The following NCAM2 variants were observed in gnomAD, a reference collection of about 807,000 sequenced individuals.
NCAM2 encodes the protein N-CAM-2.
Under a neutral mutation model 98.1 loss-of-function variants are expected in NCAM2, and 30 were observed. That is an observed-to-expected ratio of 0.31 (90% CI 0.23 to 0.41). NCAM2 has a LOEUF of 0.41. Among genes scored for constraint, NCAM2 ranks in the 10% least tolerant of loss-of-function variants. The pLI, the probability that NCAM2 is intolerant of heterozygous loss-of-function variation, is 1.00. For missense variants in NCAM2, 867 were observed against 1,005.8 expected (o/e 0.86, Z 1.87); for synonymous variants, 368 against 342.4 (o/e 1.07, Z -0.83).
intron 12 of NCAM2, among the ~76,000 whole-genome samples, chr21:21,457,433 A>G (rs2146172856): frequency 6.6e-6 from 1 of 152,282 alleles, no homozygotes; most frequent in Non-Finnish European, 1.5e-5. Context: ...TGAGGTCCGG[A>G]GTTCGAGACC....
intron 1 of NCAM2, among the ~76,000 whole-genome samples, chr21:21,279,539 A>G (rs967009708): frequency 2.0e-5 from 3 of 151,646 alleles, no homozygotes; most frequent in African/African-American, 7.3e-5. Flanking sequence ...TTGCATTTTT[A>G]GTAGAGACGG....
intron 15 of NCAM2, among the ~76,000 whole-genome samples, chr21:21,479,582 T>TAAAAAAAAAAAAAAA (rs1985608682): frequency 5.6e-5 from 1 of 17,916 alleles, no homozygotes; most frequent in African/African-American, 2.3e-4. Flanking sequence ...AGACTGCGTC[T>TAAAAAAAAAAAAAAA]CAAAAAAAAA....
At position 21,014,000 on chromosome 21, in the gene NCAM2, C is replaced by G. The variant is rs930286516; in HGVS notation, c.55+15382C>G. On this transcript the variant is annotated intron_variant, in intron 1 of 17. Transcript: ENST00000400546. ...AACAGCCTTCTATTGTCAGATGATA[C>G]TATCTAGAAGTTTCTTAGCTAGAGA... Among the ~76,000 whole-genome samples, 8 of 152,250 alleles carry G rather than the reference C, an allele frequency of 5.3e-5. No homozygotes were observed. The East Asian group carries it at 1.5e-3, about 29-fold the overall frequency.
intron 16 of NCAM2, among the ~76,000 whole-genome samples, chr21:21,516,878 A>T (rs1988742409): frequency 6.6e-6 from 1 of 152,072 alleles, no homozygotes; most frequent in Admixed American, 6.6e-5. Context: ...AAGACTCTGT[A>T]TCATCTTTTT....
intron 8 of NCAM2, 105 bp from the exon 9 acceptor site, chr21:21,373,758 C>T (rs2148052332): frequency 1.9e-6 from 2 of 1,038,934 alleles, no homozygotes; most frequent in Non-Finnish European, 2.7e-6. Context: ...TTTCTTTTTT[C>T]TTTTTGCCAG....
intron 1 of NCAM2, among the ~76,000 whole-genome samples, chr21:21,230,635 T>G (rs1345804691): frequency 6.6e-6 from 1 of 151,422 alleles, no homozygotes; most frequent in African/African-American, 2.4e-5. Flanking sequence ...TGTAAATTGT[T>G]TTGCTGTCAG....
chr21:21,138,118 G>A (rs1444022319), intron 1 of NCAM2, among the ~76,000 whole-genome samples: 1 of 152,180 alleles, frequency 6.6e-6, no homozygotes, highest in Non-Finnish European at 1.5e-5. Context: ...ATATCAAAAA[G>A]CAATTTCTGG....
chr21:21,470,578 C>G (rs1984317676), intron 14 of NCAM2, among the ~76,000 whole-genome samples: 1 of 152,050 alleles, frequency 6.6e-6, no homozygotes, highest in Non-Finnish European at 1.5e-5. Context: ...TCTCGCCTTT[C>G]TCTTTCTCCT....
At chr21:21,451,254 A>G (rs573068045) in intron 12 of NCAM2, among the ~76,000 whole-genome samples, 7 of 152,266 alleles carry the variant, frequency 4.6e-5, no homozygotes, top group African/African-American at 1.7e-4. Flanking sequence ...ATAAAACTAA[A>G]TAGTTACTGT....
At chr21:21,265,331 A>AAT (rs1373620762) in intron 1 of NCAM2, among the ~76,000 whole-genome samples, 1 of 130,900 alleles carries the variant, frequency 7.6e-6, no homozygotes, top group Non-Finnish European at 1.6e-5. Context: ...ACACATATAT[A>AAT]ATATATATGT....
At chr21:21,500,392 C>A (rs1174201536) in intron 15 of NCAM2, among the ~76,000 whole-genome samples, 1 of 152,004 alleles carries the variant, frequency 6.6e-6, no homozygotes, top group African/African-American at 2.4e-5. Flanking sequence ...AGCAAAAATG[C>A]AAGAGGCCCC....
At chr21:21,211,765 T>A (rs2069668405) in intron 1 of NCAM2, among the ~76,000 whole-genome samples, 1 of 152,208 alleles carries the variant, frequency 6.6e-6, no homozygotes, top group Non-Finnish European at 1.5e-5. Flanking sequence ...CATGGAATAT[T>A]AACTTCCTTT....
intron 1 of NCAM2, among the ~76,000 whole-genome samples, chr21:21,181,776 G>GT (rs1055111472): frequency 3.3e-5 from 5 of 151,448 alleles, no homozygotes; most frequent in African/African-American, 1.2e-4. Flanking sequence ...CTCTTCCTTC[G>GT]TTTTTTTTCC....
chr21:21,144,455 A>T (rs1171038563), intron 1 of NCAM2, among the ~76,000 whole-genome samples: 1 of 152,124 alleles, frequency 6.6e-6, no homozygotes, highest in African/African-American at 2.4e-5. Flanking sequence ...AAGATTATAC[A>T]CTCCAAACCA....
intron 14 of NCAM2, among the ~76,000 whole-genome samples, chr21:21,471,671 A>G (rs1447244525): frequency 6.6e-6 from 1 of 152,056 alleles, no homozygotes; most frequent in East Asian, 1.9e-4. Context: ...TATATTCTTT[A>G]TATGACTTGA....
chr21:21,402,423 C>T (rs986531836), intron 9 of NCAM2, among the ~76,000 whole-genome samples: 7 of 152,034 alleles, frequency 4.6e-5, no homozygotes, highest in African/African-American at 1.7e-4. Flanking sequence ...TTGGGAAACC[C>T]CAGCCCTGGT....
At chr21:21,069,106 A>G (rs2065504372) in intron 1 of NCAM2, among the ~76,000 whole-genome samples, 2 of 152,190 alleles carry the variant, frequency 1.3e-5, no homozygotes, top group Admixed American at 6.5e-5. Context: ...TTCACTATGG[A>G]GAATATTCAG....
chr21:21,220,657 C>T (rs574552410), intron 1 of NCAM2, among the ~76,000 whole-genome samples: 24 of 152,262 alleles, frequency 1.6e-4, no homozygotes, highest in African/African-American at 5.5e-4. Context: ...CCTCCTAAAT[C>T]TATTTCAATT....
At chr21:21,467,202 A>G (rs1983795408) in intron 13 of NCAM2, among the ~76,000 whole-genome samples, 1 of 151,886 alleles carries the variant, frequency 6.6e-6, no homozygotes, top group Non-Finnish European at 1.5e-5. Flanking sequence ...TGTTCTGATA[A>G]CTATCATATT....
Sources: allele counts gnomAD v4.1 joint callset (sites outside exome capture counted in the v4.1 genomes callset), GRCh38; gene constraint gnomAD v4.1.1; transcripts MANE v1.5; gene names NCBI Gene and HGNC (gene_info 2026-07-23, HGNC 2026-07-21).